Variants in PPHLN1 observed in about 807,000 individuals in gnomAD.
The protein encoded by PPHLN1 is periphilin 1.
A neutral mutation model predicts 51.3 loss-of-function variants in PPHLN1; 29 were observed. The ratio of observed to expected loss-of-function variants is 0.57; its 90% CI spans 0.42 to 0.77. The LOEUF is 0.77. Ranked by LOEUF, PPHLN1 falls within the 30% of genes least tolerant of loss-of-function variation. The probability of loss-of-function intolerance (pLI) is 0.00; values close to 1 mark genes in which losing one functional copy is unlikely to be tolerated. For missense variants in PPHLN1, 436 were observed against 438.4 expected (o/e 0.99, Z 0.05); for synonymous variants, 147 against 147.8 (o/e 0.99, Z 0.04).
intron 1 of PPHLN1, chr12:42,329,818 G>T (rs538096971): frequency 6.6e-6 from 1 of 152,138 alleles, no homozygotes; most frequent in African/African-American, 2.4e-5. Flanking sequence ...GGTGTTTCTC[G>T]TCAGGTGGGA....
chr12:42,352,495 TGCC>T (rs995317620), intron 3 of PPHLN1, among the ~76,000 whole-genome samples: 7 of 151,422 alleles, frequency 4.6e-5, no homozygotes, highest in Non-Finnish European at 1.0e-4. Flanking sequence ...CTGCAACCTG[TGCC>T]TCCTGGGTTC....
chr12:42,360,458 CTTTTTTTTTTTTTTTTTT>C (rs71084642), intron 4 of PPHLN1, among the ~76,000 whole-genome samples: 9 of 56,294 alleles, frequency 1.6e-4, no homozygotes, highest in South Asian at 1.7e-3. Flanking sequence ...ATGCTGAATT[CTTTTTTTTTTTTTTTTTT>C]TTTTTTTTTT....
chr12:42,408,093 T>C (rs1293285432), intron 9 of PPHLN1, among the ~76,000 whole-genome samples: 1 of 152,232 alleles, frequency 6.6e-6, no homozygotes. Context: ...ATTTATCTCT[T>C]TCTTCTTTAG....
intron 9 of PPHLN1, chr12:42,399,484 G>A (rs2139310630): frequency 1.1e-6 from 1 of 890,888 alleles, no homozygotes; most frequent in Non-Finnish European, 1.3e-6. Flanking sequence ...CAACTATTAT[G>A]GGGTTATTTT....
intron 4 of PPHLN1, among the ~76,000 whole-genome samples, chr12:42,370,112 T>A (rs1445878997): frequency 6.6e-6 from 1 of 152,250 alleles, no homozygotes; most frequent in African/African-American, 2.4e-5. Context: ...CATACAGCCC[T>A]TACATGCTAG....
At chr12:42,444,775 A>G (rs916284180), downstream of PPHLN1, 3 of 412,680 alleles carry the variant, frequency 7.3e-6, no homozygotes, top group African/African-American at 2.1e-5. Flanking sequence ...CCTGCTGACA[A>G]ACTACTTCAG....
At chr12:42,355,680 G>C (rs941764804) in intron 4 of PPHLN1, 16 of 153,316 alleles carry the variant, frequency 1.0e-4, no homozygotes, top group African/African-American at 3.6e-4. Flanking sequence ...GAACCTGGGA[G>C]GTGGAGGTTG....
intron 6 of PPHLN1, chr12:42,386,936 A>G (rs891865294): frequency 6.6e-6 from 1 of 152,242 alleles, no homozygotes; most frequent in African/African-American, 2.4e-5. Context: ...GCATTCATTA[A>G]TGCCAGGCAC....
intron 9 of PPHLN1, among the ~76,000 whole-genome samples, chr12:42,401,515 G>A (rs147210139): frequency 6.6e-6 from 1 of 151,326 alleles, no homozygotes; most frequent in Non-Finnish European, 1.5e-5. Context: ...CCATGGGGAG[G>A]GGGGAGGGAG....
At chr12:42,377,670 G>A (rs2076389475) in intron 5 of PPHLN1, among the ~76,000 whole-genome samples, 1 of 152,098 alleles carries the variant, frequency 6.6e-6, no homozygotes, top group South Asian at 2.1e-4. Flanking sequence ...CATTAAAGAA[G>A]AAGAAAGTAT....
downstream of PPHLN1, chr12:42,446,217 G>T (rs765797157): frequency 2.5e-6 from 4 of 1,612,812 alleles, no homozygotes; most frequent in South Asian, 3.3e-5. Context: ...ATCCTGCTCC[G>T]AACACAGACA....
chr12:42,327,093 ATC>A (rs2068907892), intron 1 of PPHLN1, among the ~76,000 whole-genome samples: 1 of 152,172 alleles, frequency 6.6e-6, no homozygotes, highest in Admixed American at 6.5e-5. Flanking sequence ...CATGCTTTAC[ATC>A]TCTGTTATCC....
At chr12:42,351,095 T>C (rs2073291259) in intron 2 of PPHLN1, among the ~76,000 whole-genome samples, 1 of 152,124 alleles carries the variant, frequency 6.6e-6, no homozygotes, top group South Asian at 2.1e-4. Context: ...TTTACAGTTT[T>C]TTTTTAACAT....
intron 7 of PPHLN1, among the ~76,000 whole-genome samples, chr12:42,390,836 T>C (rs1339731396): frequency 7.8e-6 from 1 of 128,968 alleles, no homozygotes; most frequent in Non-Finnish European, 1.8e-5. Flanking sequence ...TTTTTTTTTT[T>C]GTATATAAAA....
intron 2 of PPHLN1, among the ~76,000 whole-genome samples, chr12:42,340,851 T>G (rs1168632234): frequency 6.6e-6 from 1 of 152,200 alleles, no homozygotes; most frequent in Non-Finnish European, 1.5e-5. Flanking sequence ...ACTAGTTAAG[T>G]TGATAACCCA....
intron 9 of PPHLN1, among the ~76,000 whole-genome samples, chr12:42,425,933 C>T (rs146894493): frequency 1.2e-3 from 181 of 152,242 alleles, no homozygotes; most frequent in African/African-American, 4.2e-3. Flanking sequence ...AAGAACTTGC[C>T]GCCTCTGCAG....
chr12:42,411,174 ATCTTGTG>A (rs1448283778), intron 9 of PPHLN1, among the ~76,000 whole-genome samples: 1 of 151,264 alleles, frequency 6.6e-6, no homozygotes, highest in African/African-American at 2.4e-5. Flanking sequence ...TTTCTTTCAT[ATCTTGTG>A]AAAGACTATC....
chr12:42,326,446 G>A (rs1035350117), intron 1 of PPHLN1, among the ~76,000 whole-genome samples: 1 of 152,136 alleles, frequency 6.6e-6, no homozygotes, highest in East Asian at 1.9e-4. Context: ...TCTCTGTAGC[G>A]CCTTAATATG....
At chr12:42,342,317 C>A (rs185782497) in intron 2 of PPHLN1, among the ~76,000 whole-genome samples, 59 of 152,290 alleles carry the variant, frequency 3.9e-4, no homozygotes, top group African/African-American at 1.4e-3. Flanking sequence ...TGCAGTGGAG[C>A]AGCCACAGCT....
Sources: gnomAD v4.1 joint callset for allele counts (sites outside exome capture counted in the v4.1 genomes callset) on GRCh38, gnomAD v4.1.1 for gene constraint, MANE v1.5 for transcripts, NCBI Gene and HGNC (gene_info 2026-07-23, HGNC 2026-07-21) for gene names.